TBC1D5: variants seen among roughly 807,000 people sequenced by gnomAD.
The protein encoded by TBC1D5 is TBC1 domain family, member 5.
TBC1D5 carries 75 observed loss-of-function variants against 100.3 expected under a neutral mutation model. That is an observed-to-expected ratio of 0.75 (90% CI 0.62 to 0.91). The LOEUF (loss-of-function observed/expected upper bound fraction) is 0.91. Among genes scored for constraint, TBC1D5 ranks in the 40% least tolerant of loss-of-function variants. TBC1D5 has a pLI of 0.00. For missense variants in TBC1D5, 910 were observed against 942.4 expected (o/e 0.97, Z 0.45); for synonymous variants, 323 against 325.6 (o/e 0.99, Z 0.09).
chr3:17,579,902 T>C (rs896041863), intron 2 of TBC1D5, among the ~76,000 whole-genome samples: 2 of 152,012 alleles, frequency 1.3e-5, no homozygotes, highest in African/African-American at 2.4e-5. Context: ...ATTATACCAA[T>C]AGGAAAATGT....
At chr3:17,206,078 T>C (rs1012327003) in intron 18 of TBC1D5, among the ~76,000 whole-genome samples, 13 of 152,190 alleles carry the variant, frequency 8.5e-5, no homozygotes, top group African/African-American at 3.1e-4. Flanking sequence ...GAAGGTATTG[T>C]TGACTACCTG....
chr3:17,457,801 T>G (rs2095122247), intron 3 of TBC1D5, among the ~76,000 whole-genome samples: 1 of 152,172 alleles, frequency 6.6e-6, no homozygotes, highest in South Asian at 2.1e-4. Flanking sequence ...ACAGTTTTCA[T>G]TGCTTGGATA....
At chr3:17,330,184 C>G (rs1035258472) in intron 13 of TBC1D5, among the ~76,000 whole-genome samples, 5 of 152,108 alleles carry the variant, frequency 3.3e-5, no homozygotes, top group African/African-American at 9.7e-5. Flanking sequence ...TCTCCATTTT[C>G]TTCCCTGACC....
At chr3:17,657,328 T>C (rs948451359) in intron 1 of TBC1D5, among the ~76,000 whole-genome samples, 1 of 139,014 alleles carries the variant, frequency 7.2e-6, no homozygotes, top group African/African-American at 2.6e-5. Flanking sequence ...ACAAATTCTT[T>C]CTTTTTTTTT....
chr3:17,400,973 C>A (rs1432818654), intron 8 of TBC1D5, among the ~76,000 whole-genome samples: 1 of 152,020 alleles, frequency 6.6e-6, no homozygotes, highest in Non-Finnish European at 1.5e-5. Flanking sequence ...GGCTTCCTTG[C>A]TTGTCAGCTT....
At chr3:17,375,867 T>G (rs916425526) in intron 10 of TBC1D5, among the ~76,000 whole-genome samples, 1 of 152,154 alleles carries the variant, frequency 6.6e-6, no homozygotes, top group Non-Finnish European at 1.5e-5. Context: ...TTACTGCATA[T>G]AGATGCGCTG....
At chr3:17,439,593 A>C (rs1258313300) in intron 3 of TBC1D5, among the ~76,000 whole-genome samples, 3 of 152,278 alleles carry the variant, frequency 2.0e-5, no homozygotes, top group African/African-American at 4.8e-5. Context: ...AAATTCCAAA[A>C]ATATTTTGAT....
intron 1 of TBC1D5, among the ~76,000 whole-genome samples, chr3:17,693,944 G>C (rs1332124031): frequency 1.3e-5 from 2 of 152,168 alleles, no homozygotes; most frequent in African/African-American, 4.8e-5. Context: ...GTGATACCCA[G>C]GCAAACAGAG....
chr3:17,488,207 A>T (rs1227840417), intron 3 of TBC1D5, among the ~76,000 whole-genome samples: 1 of 152,122 alleles, frequency 6.6e-6, no homozygotes, highest in East Asian at 1.9e-4. Flanking sequence ...CTTTTCCACA[A>T]TGTCATATAG....
At position 17,259,496 on chromosome 3, in the gene TBC1D5, T is replaced by C. The variant is rs1468147663; in HGVS notation, c.1246-905A>G. Among the ~76,000 whole-genome samples, 3 of 152,154 alleles carry C rather than the reference T, an allele frequency of 2.0e-5. No homozygotes were observed. In the East Asian group the frequency reaches 5.8e-4, roughly 29 times the overall value. ...AATTACATATATTTACCATAAAAAG[T>C]TTTTAAAACCTTATAAATAAATGTG... On this transcript the variant is annotated intron_variant, in intron 15 of 21. Coordinates refer to ENST00000253692, the Ensembl canonical transcript of TBC1D5.
At chr3:17,241,875 C>CA (rs991230850) in intron 16 of TBC1D5, among the ~76,000 whole-genome samples, 33 of 152,074 alleles carry the variant, frequency 2.2e-4, no homozygotes, top group East Asian at 3.9e-4. Context: ...AAAAAAAACC[C>CA]AAAAAAACCC....
chr3:17,706,176 C>T lies in TBC1D5; in HGVS notation c.-101+33167G>A, dbSNP rs936697982. 12 of 1,564,180 alleles carry T rather than the reference C, an allele frequency of 7.7e-6. No individual in the cohort carries two copies. In the African/African-American group the frequency reaches 1.6e-4, roughly 21 times the overall value. On this transcript the variant is annotated intron_variant, in intron 1 of 21. Coordinates refer to ENST00000253692, the Ensembl canonical transcript of TBC1D5. ...GATGGGGGAGACATCGGCAGGCAGC[C>T]GCTCGAAGGGCCTCTTCTCCGGCAT...
intron 17 of TBC1D5, among the ~76,000 whole-genome samples, chr3:17,221,180 G>T (rs1225650209): frequency 7.1e-6 from 1 of 140,618 alleles, no homozygotes; most frequent in East Asian, 1.9e-4. Flanking sequence ...ACCTTACATA[G>T]CAGAAGAGAC....
At chr3:17,730,817 G>C (rs368299489) in intron 1 of TBC1D5, among the ~76,000 whole-genome samples, 1 of 152,108 alleles carries the variant, frequency 6.6e-6, no homozygotes, top group African/African-American at 2.4e-5. Flanking sequence ...CACGCCACCA[G>C]AAGTATTAAA....
intron 1 of TBC1D5, among the ~76,000 whole-genome samples, chr3:17,707,588 A>T (rs2074303675): frequency 6.6e-6 from 1 of 152,158 alleles, no homozygotes; most frequent in South Asian, 2.1e-4. Flanking sequence ...ACTTATTCCT[A>T]TATATTCTAA....
intron 13 of TBC1D5, among the ~76,000 whole-genome samples, chr3:17,367,299 T>G (rs1250178805): frequency 6.6e-6 from 1 of 152,174 alleles, no homozygotes; most frequent in East Asian, 1.9e-4. Context: ...CACAACATGA[T>G]GTGTGATCAG....
At chr3:17,261,100 A>G (rs1160786897) in intron 15 of TBC1D5, among the ~76,000 whole-genome samples, 1 of 152,232 alleles carries the variant, frequency 6.6e-6, no homozygotes, top group Non-Finnish European at 1.5e-5. Context: ...AGACATGAAC[A>G]ATAAAAAGGA....
At chr3:17,536,742 C>A (rs554645973) in intron 2 of TBC1D5, among the ~76,000 whole-genome samples, 2 of 152,172 alleles carry the variant, frequency 1.3e-5, no homozygotes, top group Admixed American at 1.3e-4. Flanking sequence ...CACTGATTTA[C>A]CCCAAAAAGA....
chr3:17,469,835 C>T (rs1021451944), intron 3 of TBC1D5, among the ~76,000 whole-genome samples: 1 of 152,156 alleles, frequency 6.6e-6, no homozygotes, highest in Admixed American at 6.5e-5. Context: ...TACGATGACC[C>T]GATCTTCCAA....
Sources: gnomAD v4.1 joint callset for allele counts (sites outside exome capture counted in the v4.1 genomes callset) on GRCh38, gnomAD v4.1.1 for gene constraint, MANE v1.5 for transcripts, NCBI Gene and HGNC (gene_info 2026-07-23, HGNC 2026-07-21) for gene names.